Variants in PDS5B observed in about 807,000 individuals in gnomAD.
PDS5B encodes PDS5 cohesin associated factor B.
In PDS5B, 51 loss-of-function variants were observed where a neutral mutation model predicts 184.1. That is an observed-to-expected ratio of 0.28 (90% confidence interval 0.22 to 0.35). The LOEUF (loss-of-function observed/expected upper bound fraction) is 0.35, where lower values mean the gene tolerates loss of function less well. PDS5B is among the 10% of genes least tolerant of loss of function. PDS5B has a pLI of 1.00. For synonymous variants in PDS5B, 566 were observed against 569.2 expected, an observed-to-expected ratio of 0.99 and a Z score of 0.08; for missense variants, 1,180 against 1,723.3, an observed-to-expected ratio of 0.68 and a Z score of 5.58.
chr13:32,772,249 T>C (rs1454283011), intron 33 of PDS5B, among the ~76,000 whole-genome samples: 1 of 152,188 alleles, frequency 6.6e-6, no homozygotes, highest in African/African-American at 2.4e-5. Context: ...TTTTAAAAAA[T>C]AAAGATTTAT....
intron 19 of PDS5B, among the ~76,000 whole-genome samples, chr13:32,719,741 A>G (rs1204764985): frequency 1.3e-5 from 2 of 151,820 alleles, no homozygotes; most frequent in Admixed American, 1.3e-4. Flanking sequence ...TATTTTCAGT[A>G]TATATTAGTT....
chr13:32,610,007 G>T (rs2058117250), intron 1 of PDS5B, among the ~76,000 whole-genome samples: 1 of 152,180 alleles, frequency 6.6e-6, no homozygotes, highest in South Asian at 2.1e-4. Context: ...AGAATTGCTG[G>T]AGCAATGTCC....
intron 1 of PDS5B, among the ~76,000 whole-genome samples, chr13:32,623,623 C>T (rs906617995): frequency 3.3e-5 from 5 of 152,014 alleles, no homozygotes; most frequent in Non-Finnish European, 7.4e-5. Context: ...GTTATAATTT[C>T]GCAAGGCAGG....
rs1421739058 is a variant in PDS5B, at chr13:32,753,445, T to C, written c.2850T>C (p.Pro950=). The change falls in exon 25 of 35, where the codon CCT becomes CCC. Residue 950 remains proline (P), a synonymous_variant. Coordinates refer to ENST00000315596, the MANE Select transcript of PDS5B (RefSeq NM_015032.4). ...MAICALCAKD[P]VKERRAHARQ... is the part of the protein sequence containing the mutation. The stretch of plus-strand genomic sequence containing the variant: ...TCTGTGCCCTTTGTGCAAAAGATCC[T>C]GTAAAGGAGAGAAGAGCTCATGCTA... 2 of 1,613,886 alleles carry C rather than the reference T, an allele frequency of 1.2e-6. No individual in the cohort carries two copies. The highest frequency in any genetic ancestry group is 3.3e-5 in the Admixed American group (2 of 60,012).
intron 31 of PDS5B, among the ~76,000 whole-genome samples, chr13:32,765,785 A>T (rs572572498): frequency 2.6e-5 from 4 of 152,194 alleles, no homozygotes; most frequent in Non-Finnish European, 5.9e-5. Context: ...TGTATTTTTT[A>T]AAGGCGGGGT....
chr13:32,696,750 G>A (rs192005299), intron 14 of PDS5B, 104 bp from the exon 15 acceptor site: 10 of 754,166 alleles, frequency 1.3e-5, no homozygotes, highest in Admixed American at 1.3e-4. Context: ...AAGAGCATGG[G>A]TCTGCAGCAT....
At chr13:32,661,554 TA>T (rs927137112) in intron 6 of PDS5B, among the ~76,000 whole-genome samples, 37 of 152,158 alleles carry the variant, frequency 2.4e-4, no homozygotes, top group Admixed American at 7.9e-4. Context: ...CTGACATATT[TA>T]ATAGTGATTT....
At chr13:32,770,970 A>G (rs1954765121) in intron 33 of PDS5B, 1 of 555,134 alleles carries the variant, frequency 1.8e-6, no homozygotes, top group Non-Finnish European at 3.2e-6. Flanking sequence ...ATCTTCATAA[A>G]TGAATACCAA....
intron 3 of PDS5B, among the ~76,000 whole-genome samples, chr13:32,657,394 T>C (rs1950542365): frequency 6.6e-6 from 1 of 152,230 alleles, no homozygotes; most frequent in Non-Finnish European, 1.5e-5. Context: ...CCCTGCTTTC[T>C]TCTGTTTTCT....
At chr13:32,649,069 G>T (rs1950299543) in intron 2 of PDS5B, 189 bp downstream of exon 2, 1 of 494,004 alleles carries the variant, frequency 2.0e-6, no homozygotes. Context: ...TGATTAAAGG[G>T]ACAGCAATTA....
Position 32,649,081 on chromosome 13 carries a change from G to C in PDS5B, c.108+201G>C, listed in dbSNP as rs57315439. ...CTATGATTAAAGGGACAGCAATTAG[G>C]TGAAGCTTAGATTTTCTAGGATCTC... is the stretch of plus-strand genomic sequence containing the variant. On this transcript the variant is annotated intron_variant, in intron 2 of 34. Coordinates refer to ENST00000315596, the MANE Select transcript of PDS5B (RefSeq NM_015032.4). 2,325 of 467,836 alleles carry C rather than the reference G, an allele frequency of 5.0e-3. 52 individuals carry two copies. The highest frequency in any genetic ancestry group is 0.042 in the African/African-American group (2,094 of 49,502). 29.0% of individuals were successfully genotyped at this position (467,836 alleles called of 1,614,324 possible).
intron 1 of PDS5B, among the ~76,000 whole-genome samples, chr13:32,632,400 G>A (rs1041939619): frequency 1.3e-5 from 2 of 152,102 alleles, no homozygotes; most frequent in African/African-American, 4.8e-5. Flanking sequence ...AGACCTGTAA[G>A]CACATAAGAT....
intron 1 of PDS5B, among the ~76,000 whole-genome samples, chr13:32,627,328 G>T (rs1419822191): frequency 6.6e-6 from 1 of 152,212 alleles, no homozygotes; most frequent in Non-Finnish European, 1.5e-5. Context: ...TTATGGAAGA[G>T]AAAATGGAGT....
In PDS5B at chr13:32,770,701, C is replaced by T; in HGVS notation, c.4112C>T (p.Pro1371Leu). The T allele has an allele frequency of 6.2e-7, 1 of 1,611,238 alleles. No individual in the cohort carries two copies. Among genetic ancestry groups the T allele is most frequent in the Non-Finnish European group, 8.5e-7 (1 of 1,178,684 alleles). ...GCAATTGAATCCACACAGTCCACAC[C>T]ACAGAAAGGACGAGGAAGACCATCA... ...SSAIESTQST[P>L]QKGRGRPSKT... The change falls in exon 33 of 35, where the codon CCA (proline) becomes CTA (leucine). Residue 1371 changes from proline to leucine, a missense_variant. This residue lies in a region of PDS5B where 465 missense variants were observed against 497.8 expected (regional missense o/e 0.93). Coordinates refer to ENST00000315596, the MANE Select transcript of PDS5B (RefSeq NM_015032.4).
chr13:32,761,943 T>C (rs576669531), intron 30 of PDS5B, among the ~76,000 whole-genome samples: 1 of 152,328 alleles, frequency 6.6e-6, no homozygotes, highest in East Asian at 1.9e-4. Context: ...AGCGTTCTGT[T>C]TTCTCTGCAG....
Position 32,742,597 on chromosome 13 carries a change from G to T in PDS5B, c.2482G>T (p.Ala828Ser), listed in dbSNP as rs751024805. 1.9e-6 allele frequency: 3 copies of T among 1,610,440 alleles called. No homozygotes were observed. Among genetic ancestry groups the T allele is most frequent in the African/African-American group, 1.3e-5 (1 of 74,820 alleles). The change falls in exon 23 of 35, where the codon GCT becomes TCT. Residue 828 changes from alanine (A) to serine (S), a missense_variant. This residue lies in a region of PDS5B where 475 missense variants were observed against 691.5 expected (regional missense o/e 0.69). Transcript: ENST00000315596. ...CGACTTGTCTCTTAAATAGATTCAG[G>T]CTATTAAAATGATGGTTCGATGGCT... ...VSPETMVKIQAIKMMVRWLLG... is the reference protein window; with the variant it reads ...VSPETMVKIQSIKMMVRWLLG...
intron 3 of PDS5B, among the ~76,000 whole-genome samples, chr13:32,656,363 T>C (rs904841031): frequency 1.3e-5 from 2 of 148,800 alleles, no homozygotes; most frequent in African/African-American, 2.4e-5. Context: ...TTTTTCTAAT[T>C]TTGTGAAGAA....
chr13:32,635,169 C>T lies in PDS5B; in HGVS notation c.-19-13585C>T, dbSNP rs755474473. ...ATGCACCACCATGTCCAGCCAATTA[C>T]GTTTTTTTTTTTTTTTTTTTTTTTT... On this transcript the variant is annotated intron_variant, in intron 1 of 34. Coordinates refer to ENST00000315596, the MANE Select transcript of PDS5B (RefSeq NM_015032.4). Among the ~76,000 whole-genome samples the T allele has an allele frequency of 3.7e-3, 358 of 97,306 alleles. 1 individual carries two copies. The highest frequency in any genetic ancestry group is 6.1e-3 in the African/African-American group (157 of 25,852). The allele number at this position is 97,306 out of a possible 152,430, so 63.8% of individuals were successfully genotyped here.
At chr13:32,657,986 A>G (rs775082092) in intron 3 of PDS5B, among the ~76,000 whole-genome samples, 1 of 152,278 alleles carries the variant, frequency 6.6e-6, no homozygotes. Flanking sequence ...AACTTTTGCT[A>G]TAAGATGAAG....
Sources: allele counts gnomAD v4.1 joint callset (sites outside exome capture counted in the v4.1 genomes callset), GRCh38; gene constraint gnomAD v4.1.1; regional missense constraint gnomAD v4.1.1; transcripts MANE v1.5; gene names NCBI Gene and HGNC (gene_info 2026-07-23, HGNC 2026-07-21).